SMG6: variants seen among roughly 807,000 people sequenced by gnomAD.
SMG6 encodes the protein telomerase-binding protein EST1A.
A neutral mutation model predicts 142.2 loss-of-function variants in SMG6; 66 were observed. The ratio of observed to expected loss-of-function variants is 0.46; its 90% CI spans 0.38 to 0.57. The LOEUF is 0.57. Among genes scored for constraint, SMG6 ranks in the 20% least tolerant of loss-of-function variants. The pLI is 0.00. For synonymous variants in SMG6, 779 were observed against 702.4 expected (o/e 1.11, Z -1.72); for missense variants, 1,793 against 1,832.0 (o/e 0.98, Z 0.39).
At chr17:2,157,776 A>G (rs994667405) in intron 13 of SMG6, among the ~76,000 whole-genome samples, 9 of 152,334 alleles carry the variant, frequency 5.9e-5, no homozygotes, top group Admixed American at 5.9e-4. Flanking sequence ...CAGAACACTC[A>G]TTACAAAGTC....
chr17:2,063,611 G>A (rs1381891197), intron 18 of SMG6, among the ~76,000 whole-genome samples: 1 of 152,238 alleles, frequency 6.6e-6, no homozygotes, highest in Non-Finnish European at 1.5e-5. Flanking sequence ...TTCCCAACAA[G>A]GCCTTCAGCA....
At chr17:2,188,267 G>C in intron 11 of SMG6, 132 bp downstream of exon 11, 1 of 724,962 alleles carries the variant, frequency 1.4e-6, no homozygotes. Flanking sequence ...GCAAAAGGAA[G>C]AGGGGCATGT....
chr17:2,256,333 G>A (rs1250230780), intron 8 of SMG6, among the ~76,000 whole-genome samples: 1 of 152,142 alleles, frequency 6.6e-6, no homozygotes, highest in Non-Finnish European at 1.5e-5. Flanking sequence ...TGGAAACACA[G>A]AGGGAGGGAA....
Position 2,085,857 on chromosome 17 carries a change from A to G in SMG6, c.3402T>C (p.Phe1134=), listed in dbSNP as rs760469851. The G allele has an allele frequency of 6.2e-7, 1 of 1,614,246 alleles. No homozygotes were observed. The highest frequency in any genetic ancestry group is 8.5e-7 in the Non-Finnish European group (1 of 1,180,036). The change falls in exon 14 of 19, where the codon TTT becomes TTC. Residue 1134 remains phenylalanine (F), a synonymous_variant. Coordinates refer to ENST00000263073, the MANE Select transcript of SMG6 (RefSeq NM_017575.5). The surrounding 1 kb of genome is among the most constrained non-coding windows in gnomAD (Gnocchi z 4.1). ...CTTCTTGTCCACAAAGGGCTTCCAGAAAATACTTCAGCACTGTGACCCTTT... is the reference window on the plus strand; with the variant it reads ...CTTCTTGTCCACAAAGGGCTTCCAGGAAATACTTCAGCACTGTGACCCTTT... ...DCKRVTVLKY[F]LEALCGQEEP... is the part of the protein sequence containing the mutation.
chr17:2,301,428 G>A (rs1394775340), intron 1 of SMG6, among the ~76,000 whole-genome samples: 1 of 152,134 alleles, frequency 6.6e-6, no homozygotes, highest in Non-Finnish European at 1.5e-5. Flanking sequence ...CTGTGATGAT[G>A]GAATTATTAG....
At chr17:2,143,698 C>T (rs145544419) in intron 13 of SMG6, among the ~76,000 whole-genome samples, 1 of 152,192 alleles carries the variant, frequency 6.6e-6, no homozygotes, top group East Asian at 1.9e-4. Context: ...GAATTGTGTA[C>T]TTTAAAAGGT....
At chr17:2,269,458 TAAAA>T (rs10706406) in intron 8 of SMG6, among the ~76,000 whole-genome samples, 1 of 146,090 alleles carries the variant, frequency 6.8e-6, no homozygotes, top group Admixed American at 6.8e-5. Flanking sequence ...AACTATACAT[TAAAA>T]AAAAAAAAAA....
At chr17:2,088,340 C>T (rs992968256) in intron 13 of SMG6, 3 of 985,384 alleles carry the variant, frequency 3.0e-6, no homozygotes, top group Non-Finnish European at 2.4e-6. Flanking sequence ...GGGATGTGGA[C>T]ATCCTGAGGC....
chr17:2,236,721 A>G, intron 9 of SMG6, 84 bp from the exon 10 acceptor site: 1 of 1,251,004 alleles, frequency 8.0e-7, no homozygotes, highest in Non-Finnish European at 1.1e-6. Flanking sequence ...ACACACACAC[A>G]CACACACACA....
intron 6 of SMG6, among the ~76,000 whole-genome samples, chr17:2,290,535 C>T (rs1003061852): frequency 6.6e-6 from 1 of 152,104 alleles, no homozygotes; most frequent in African/African-American, 2.4e-5. Context: ...TTAAGCTAGC[C>T]GTGGGTGTGA....
chr17:2,296,459 A>G (rs2075144491), intron 4 of SMG6, among the ~76,000 whole-genome samples: 1 of 152,158 alleles, frequency 6.6e-6, no homozygotes, highest in South Asian at 2.1e-4. Flanking sequence ...AGGGGTCCCC[A>G]GCCCCCAGGC....
chr17:2,284,982 T>C (rs140162292), intron 6 of SMG6, among the ~76,000 whole-genome samples: 78 of 152,254 alleles, frequency 5.1e-4, no homozygotes, highest in African/African-American at 1.8e-3. Flanking sequence ...ATGAAAAAAT[T>C]TCCAAAACAG....
At chr17:2,061,806 A>G in intron 18 of SMG6, 184 bp from the exon 19 acceptor site, 1 of 627,980 alleles carries the variant, frequency 1.6e-6, no homozygotes, top group Non-Finnish European at 2.7e-6. Flanking sequence ...GCTGGCCTAG[A>G]GAGGGCTGCA....
chr17:2,292,490 A>G, intron 6 of SMG6, 62 bp downstream of exon 6: 1 of 1,504,410 alleles, frequency 6.6e-7, no homozygotes, highest in Admixed American at 1.7e-5. Context: ...TGATATTATC[A>G]AACTCCATAT....
chr17:2,160,671 A>T (rs1371961739), intron 13 of SMG6, among the ~76,000 whole-genome samples: 2 of 152,086 alleles, frequency 1.3e-5, no homozygotes, highest in African/African-American at 2.4e-5. Context: ...TTCCACAAAA[A>T]ATTTAAAAAT....
At chr17:2,291,325 C>T (rs1324322220) in intron 6 of SMG6, among the ~76,000 whole-genome samples, 11 of 148,998 alleles carry the variant, frequency 7.4e-5, no homozygotes, top group South Asian at 2.1e-4. Context: ...AGCGAGACTC[C>T]GTCTCAGAAA....
At chr17:2,161,343 G>A (rs1029775983) in intron 13 of SMG6, among the ~76,000 whole-genome samples, 1 of 151,820 alleles carries the variant, frequency 6.6e-6, no homozygotes, top group Non-Finnish European at 1.5e-5. Flanking sequence ...ACCTCAGGTT[G>A]ATCAGCCTGC....
rs575707092 is a variant in SMG6 at position 2,219,467 on chromosome 17, G to C, written c.2869+17025C>G. 2.5e-4 allele frequency among the ~76,000 whole-genome samples: 38 copies of C among 152,082 alleles called. No individual in the cohort carries two copies. The South Asian group carries it at 7.3e-3, about 29-fold the overall frequency. Reference sequence around the variant, plus strand: ...GCTGGACATTCTCAAACACTGCTAAGAGTGTAAGCTGATACACCTTCTTCA... The same window carrying C: ...GCTGGACATTCTCAAACACTGCTAACAGTGTAAGCTGATACACCTTCTTCA... On this transcript the variant is annotated intron_variant, in intron 10 of 18. Transcript: ENST00000263073.
chr17:2,238,650 G>A (rs888654904), intron 9 of SMG6, among the ~76,000 whole-genome samples: 2 of 152,196 alleles, frequency 1.3e-5, no homozygotes, highest in Non-Finnish European at 2.9e-5. Context: ...AGCCAGCACA[G>A]AACGACAGGA....
Sources: allele counts gnomAD v4.1 joint callset (sites outside exome capture counted in the v4.1 genomes callset), GRCh38; gene constraint gnomAD v4.1.1; non-coding constraint Gnocchi (gnomAD v3.1); transcripts MANE v1.5; gene names NCBI Gene and HGNC (gene_info 2026-07-23, HGNC 2026-07-21).